ANKRD36C: variants seen among roughly 807,000 people sequenced by gnomAD.
ANKRD36C encodes the protein ankyrin repeat domain-containing protein 36C.
In ANKRD36C, 61 loss-of-function variants were observed where a neutral mutation model predicts 276.4. That is an observed-to-expected ratio of 0.22 (90% confidence interval 0.18 to 0.27). ANKRD36C has a LOEUF of 0.27. Ranked by LOEUF, ANKRD36C falls within the 10% of genes least tolerant of loss-of-function variation. ANKRD36C has a pLI of 1.00. For synonymous variants in ANKRD36C, 483 were observed against 680.1 expected (o/e 0.71, Z 4.51); for missense variants, 1,447 against 2,032.3 (o/e 0.71, Z 5.54).
intron 44 of ANKRD36C, among the ~76,000 whole-genome samples, chr2:95,897,029 G>T (rs1310868014): frequency 1.3e-5 from 2 of 149,216 alleles, no homozygotes. Flanking sequence ...CTTATGCCTT[G>T]AACTGCTCTC....
intron 60 of ANKRD36C, among the ~76,000 whole-genome samples, chr2:95,865,444 A>G (rs959994599): frequency 6.6e-5 from 10 of 152,104 alleles, no homozygotes; most frequent in Non-Finnish European, 1.3e-4. Context: ...AACAATTACT[A>G]TAAATCAATA....
chr2:95,891,811 T>A, intron 45 of ANKRD36C, 21 bp downstream of exon 65: 2 of 1,559,394 alleles, frequency 1.3e-6, no homozygotes, highest in Non-Finnish European at 1.7e-6. Context: ...TAGTTCACAA[T>A]ATAAATGACA....
In ANKRD36C at chr2:95,925,239, G is replaced by A; in HGVS notation, c.2041+113C>T. 7.3e-6 allele frequency: 11 copies of A among 1,496,696 alleles called. No homozygotes were observed. In the South Asian group the frequency reaches 1.4e-4, roughly 19 times the overall value. The allele number at this position is 1,496,696 out of a possible 1,614,324, so 92.7% of individuals were successfully genotyped here. On this transcript the variant is annotated intron_variant, in intron 30 of 66. Transcript: ENST00000456556. Reference sequence around the variant, plus strand: ...ACTTACTAGAAATGCACAATCTCAGGCCTGCTTAATCAGAAAGTGCATTTT... The same window carrying A: ...ACTTACTAGAAATGCACAATCTCAGACCTGCTTAATCAGAAAGTGCATTTT...
intron 10 of ANKRD36C, among the ~76,000 whole-genome samples, chr2:95,959,303 T>C (rs1320328636): frequency 4.0e-5 from 6 of 151,740 alleles, no homozygotes; most frequent in Non-Finnish European, 5.9e-5. Context: ...GTGGAAGTGT[T>C]CTGAATTGAT....
rs72823940 is a variant in ANKRD36C at position 95,894,665 on chromosome 2, C to G, written c.2756-2805G>C. ...GTAGCTCTTTGAAGAAGGAAGCCAA[C>G]GTATTCATATTCACGTTTATCTCAT... On this transcript the variant is annotated intron_variant, in intron 44 of 66. Transcript: ENST00000456556. Among the ~76,000 whole-genome samples, 3 of 151,386 alleles carry G rather than the reference C, an allele frequency of 2.0e-5. No homozygotes were observed. In the East Asian group the frequency reaches 5.9e-4, roughly 30 times the overall value.
chr2:95,909,107 A>G (rs1676838359), intron 42 of ANKRD36C, among the ~76,000 whole-genome samples: 1 of 149,100 alleles, frequency 6.7e-6, no homozygotes, highest in African/African-American at 2.5e-5. Flanking sequence ...CCATTATACT[A>G]CAAACATTCA....
intron 42 of ANKRD36C, among the ~76,000 whole-genome samples, chr2:95,909,922 A>T (rs1040330790): frequency 1.3e-5 from 2 of 150,704 alleles, no homozygotes; most frequent in African/African-American, 2.4e-5. Context: ...ACAATCCGTC[A>T]TCCTTGGGAA....
intron 12 of ANKRD36C, among the ~76,000 whole-genome samples, chr2:95,958,041 A>G (rs1488641871): frequency 6.6e-6 from 1 of 152,270 alleles, no homozygotes; most frequent in African/African-American, 2.4e-5. Flanking sequence ...TTCTAAATGC[A>G]TCTGAAGTGA....
At position 95,921,870 on chromosome 2, in the gene ANKRD36C, T is replaced by C. The variant is rs1293507574; in HGVS notation, c.2144-60A>G. 14 of 1,523,670 alleles carry C rather than the reference T, an allele frequency of 9.2e-6. No homozygotes were observed. In the Admixed American group the frequency reaches 9.8e-5, roughly 11 times the overall value. The allele number at this position is 1,523,670 out of a possible 1,614,324, so 94.4% of individuals were successfully genotyped here. ...ATATGATACATTTTCCATACATTCA[T>C]GCGGTGTTAGCATCAAGCTGTATCT... On this transcript the variant is annotated intron_variant, in intron 32 of 66. Coordinates refer to ENST00000456556, the Ensembl canonical transcript of ANKRD36C.
At chr2:95,921,985 T>A (rs1440030512) in intron 32 of ANKRD36C, among the ~76,000 whole-genome samples, 175 bp from the exon 33 acceptor site, 1 of 151,608 alleles carries the variant, frequency 6.6e-6, no homozygotes, top group African/African-American at 2.4e-5. Flanking sequence ...AAACAGGAAT[T>A]GATGTGTCAC....
intron 36 of ANKRD36C, among the ~76,000 whole-genome samples, 159 bp downstream of exon 38, chr2:95,917,696 A>T (rs1320963776): frequency 1.3e-5 from 2 of 151,574 alleles, no homozygotes; most frequent in African/African-American, 2.4e-5. Flanking sequence ...CATTAGCGCC[A>T]CCCAAGAATT....
intron 52 of ANKRD36C, among the ~76,000 whole-genome samples, chr2:95,885,723 G>A (rs969463400): frequency 1.3e-5 from 2 of 151,652 alleles, no homozygotes; most frequent in African/African-American, 2.4e-5. Flanking sequence ...CTATTACTTC[G>A]TCTCGTTCTC....
intron 40 of ANKRD36C, 144 bp downstream of exon 42, chr2:95,913,964 C>G: frequency 1.1e-6 from 1 of 918,466 alleles, no homozygotes; most frequent in Non-Finnish European, 1.6e-6. Context: ...TCAGCATCAC[C>G]CAAGAACTTA....
At chr2:95,979,280 G>A (rs1408938171) in intron 5 of ANKRD36C, among the ~76,000 whole-genome samples, 1 of 151,876 alleles carries the variant, frequency 6.6e-6, no homozygotes, top group African/African-American at 2.4e-5. Context: ...ACCTTCCCGT[G>A]ACTGCAAAAT....
intron 38 of ANKRD36C, among the ~76,000 whole-genome samples, chr2:95,914,973 A>T (rs1427379307): frequency 2.0e-5 from 3 of 151,528 alleles, no homozygotes; most frequent in Non-Finnish European, 4.4e-5. Flanking sequence ...GCACCAAAGG[A>T]TAATATATTA....
chr2:95,884,302 C>A, intron 53 of ANKRD36C, 38 bp downstream of exon 73: 1 of 1,610,430 alleles, frequency 6.2e-7, no homozygotes, highest in South Asian at 1.1e-5. Context: ...ATAGACTATA[C>A]AATTACTAGT....
chr2:95,912,630 T>C (rs563163517), intron 40 of ANKRD36C, among the ~76,000 whole-genome samples, 195 bp from the exon 43 acceptor site: 6 of 151,480 alleles, frequency 4.0e-5, no homozygotes, highest in Admixed American at 2.6e-4. Flanking sequence ...CCATGAAATA[T>C]ACCCTTACAA....
chr2:95,963,896 A>G (rs1678513669), intron 6 of ANKRD36C, among the ~76,000 whole-genome samples: 1 of 127,556 alleles, frequency 7.8e-6, no homozygotes, highest in Admixed American at 8.3e-5. Flanking sequence ...TCTAAATCAC[A>G]AGAGACTTCT....
intron 30 of ANKRD36C, among the ~76,000 whole-genome samples, chr2:95,924,849 C>A (rs971195896): frequency 4.0e-5 from 6 of 151,658 alleles, no homozygotes; most frequent in South Asian, 2.1e-4. Flanking sequence ...CCAAAATTAC[C>A]TAAATAACTT....
Sources: allele counts gnomAD v4.1 joint callset (sites outside exome capture counted in the v4.1 genomes callset), GRCh38; gene constraint gnomAD v4.1.1; transcripts MANE v1.5; gene names NCBI Gene and HGNC (gene_info 2026-07-23, HGNC 2026-07-21).